RALYL: variants seen among roughly 807,000 people sequenced by gnomAD.
The protein encoded by RALYL is RALY RNA binding protein like, also known as RNA-binding Raly-like protein.
In RALYL, 29 loss-of-function variants were observed where a neutral mutation model predicts 35.1. The ratio of observed to expected loss-of-function variants is 0.83; its 90% confidence interval spans 0.61 to 1.13. The LOEUF is 1.13. Among genes scored for constraint, RALYL ranks in the 50% most tolerant of loss-of-function variants. The pLI, the probability that RALYL is intolerant of heterozygous loss-of-function variation, is 0.00. For synonymous variants in RALYL, 120 were observed against 127.6 expected (o/e 0.94, Z 0.40); for missense variants, 359 against 360.4 (o/e 1.00, Z 0.03).
At chr8:84,320,045 A>G (rs1182242644) in intron 1 of RALYL, among the ~76,000 whole-genome samples, 1 of 152,066 alleles carries the variant, frequency 6.6e-6, no homozygotes, top group African/African-American at 2.4e-5. Context: ...TAAGCTGGGT[A>G]AATGCTTTCT....
At chr8:84,913,999 C>T (rs1394902186) in intron 8 of RALYL, among the ~76,000 whole-genome samples, 25 of 151,790 alleles carry the variant, frequency 1.6e-4, no homozygotes, top group Admixed American at 1.5e-3. Flanking sequence ...GTTAAACAAC[C>T]GTGACAACCT....
intron 3 of RALYL, among the ~76,000 whole-genome samples, chr8:84,797,553 T>C (rs1311970422): frequency 2.0e-5 from 3 of 152,170 alleles, no homozygotes; most frequent in Non-Finnish European, 4.4e-5. Flanking sequence ...CCACATTGTT[T>C]TTTTCTACAT....
intron 2 of RALYL, among the ~76,000 whole-genome samples, chr8:84,588,896 A>G (rs1453911251): frequency 5.6e-5 from 8 of 141,626 alleles, no homozygotes; most frequent in Non-Finnish European, 1.1e-4. Flanking sequence ...GTCTCCCAAC[A>G]TAGGACTTGT....
chr8:84,389,208 G>A (rs1318240636), intron 1 of RALYL, among the ~76,000 whole-genome samples: 2 of 152,074 alleles, frequency 1.3e-5, no homozygotes, highest in African/African-American at 4.8e-5. Context: ...CTATATCTCT[G>A]TTTTGGTATC....
intron 1 of RALYL, among the ~76,000 whole-genome samples, chr8:84,506,529 G>C (rs186593153): frequency 3.3e-5 from 5 of 152,104 alleles, no homozygotes; most frequent in African/African-American, 1.2e-4. Context: ...GTTATTGGAT[G>C]TTTCAGGCTT....
chr8:84,837,613 A>G (rs964047469), intron 4 of RALYL, among the ~76,000 whole-genome samples: 2 of 152,214 alleles, frequency 1.3e-5, no homozygotes, highest in East Asian at 1.9e-4. Context: ...AAAAGTTTAA[A>G]TGAAATTTCA....
At chr8:84,367,547 G>A (rs932278761) in intron 1 of RALYL, among the ~76,000 whole-genome samples, 2 of 151,002 alleles carry the variant, frequency 1.3e-5, no homozygotes, top group Non-Finnish European at 3.0e-5. Flanking sequence ...CTTTCAATAA[G>A]GTTTATATCT....
At chr8:84,214,971 T>A (rs769554364) in intron 1 of RALYL, among the ~76,000 whole-genome samples, 3 of 152,002 alleles carry the variant, frequency 2.0e-5, no homozygotes, top group Non-Finnish European at 2.9e-5. Context: ...AGTGGCATGA[T>A]CTCCGCTCAC....
intron 3 of RALYL, among the ~76,000 whole-genome samples, chr8:84,801,750 G>T (rs1823331669): frequency 6.6e-6 from 1 of 152,200 alleles, no homozygotes; most frequent in Non-Finnish European, 1.5e-5. Context: ...TAGAGAAGCA[G>T]TAAAGAATGA....
intron 2 of RALYL, among the ~76,000 whole-genome samples, chr8:84,732,483 A>G (rs1426423392): frequency 6.6e-6 from 1 of 151,970 alleles, no homozygotes; most frequent in Non-Finnish European, 1.5e-5. Context: ...ATAATTAGCT[A>G]TTATTCAACT....
intron 2 of RALYL, among the ~76,000 whole-genome samples, chr8:84,712,426 C>T (rs1314776276): frequency 2.6e-5 from 4 of 151,292 alleles, no homozygotes; most frequent in African/African-American, 7.4e-5. Context: ...CTGGTTCTGC[C>T]TGCAGAAATA....
chr8:84,507,951 GTAGA>G (rs2057313159), intron 1 of RALYL, among the ~76,000 whole-genome samples: 1 of 152,136 alleles, frequency 6.6e-6, no homozygotes, highest in Non-Finnish European at 1.5e-5. Context: ...ATAGCTGGAA[GTAGA>G]TAAATGACTG....
At chr8:84,329,107 T>G (rs914068417) in intron 1 of RALYL, among the ~76,000 whole-genome samples, 7 of 152,230 alleles carry the variant, frequency 4.6e-5, no homozygotes, top group East Asian at 1.9e-4. Context: ...ATTTATTTTT[T>G]GGGGATATAT....
chr8:84,656,823 A>G (rs1830045670), intron 2 of RALYL, among the ~76,000 whole-genome samples: 2 of 152,150 alleles, frequency 1.3e-5, no homozygotes, highest in Admixed American at 1.3e-4. Flanking sequence ...GCCATATGAG[A>G]TAAAACAATT....
At chr8:84,817,924 A>G (rs1827733958) in intron 4 of RALYL, among the ~76,000 whole-genome samples, 1 of 152,250 alleles carries the variant, frequency 6.6e-6, no homozygotes, top group Non-Finnish European at 1.5e-5. Context: ...AACAGGAAAT[A>G]AATATCAATT....
intron 1 of RALYL, among the ~76,000 whole-genome samples, chr8:84,201,033 G>A (rs1816706509): frequency 6.6e-6 from 1 of 152,132 alleles, no homozygotes; most frequent in Non-Finnish European, 1.5e-5. Context: ...AGTGCAGAAG[G>A]AGCTGATGGT....
intron 4 of RALYL, among the ~76,000 whole-genome samples, chr8:84,847,586 G>A (rs1053995177): frequency 6.6e-6 from 1 of 152,042 alleles, no homozygotes; most frequent in Non-Finnish European, 1.5e-5. Context: ...TAGCCAATAG[G>A]TGGGCTTTAG....
At chr8:84,908,124 G>A (rs2135647885) in intron 8 of RALYL, among the ~76,000 whole-genome samples, 1 of 152,258 alleles carries the variant, frequency 6.6e-6, no homozygotes, top group Non-Finnish European at 1.5e-5. Context: ...ACAAAGTGAT[G>A]TTATAGTGTA....
chr8:84,402,620 T>C (rs2043027086), intron 1 of RALYL, among the ~76,000 whole-genome samples: 1 of 152,118 alleles, frequency 6.6e-6, no homozygotes, highest in Non-Finnish European at 1.5e-5. Flanking sequence ...ATCTTAGTGT[T>C]AAGAAATAGA....
Sources: allele counts gnomAD v4.1 joint callset (sites outside exome capture counted in the v4.1 genomes callset), GRCh38; gene constraint gnomAD v4.1.1; transcripts MANE v1.5; gene names NCBI Gene and HGNC (gene_info 2026-07-23, HGNC 2026-07-21).